XKR4: variants seen among roughly 807,000 people sequenced by gnomAD.
XKR4 encodes the protein XK related 4, also known as XK-related protein 4.
XKR4 carries 12 observed loss-of-function variants against 53.9 expected under a neutral mutation model. That is an observed-to-expected ratio of 0.22 (90% confidence interval 0.14 to 0.36). XKR4 has a LOEUF of 0.36. Ranked by LOEUF, XKR4 falls within the 10% of genes least tolerant of loss-of-function variation. XKR4 has a pLI of 1.00. For synonymous variants in XKR4, 354 were observed against 362.4 expected (o/e 0.98, Z 0.26); for missense variants, 799 against 859.5 (o/e 0.93, Z 0.88).
rs1422169720 is a variant in XKR4, at chr8:55,535,725, GAGA to G, written c.*11501_*11503del. 1 of 152,200 alleles carries G rather than the reference GAGA, an allele frequency of 6.6e-6. No individual in the cohort carries two copies. Among genetic ancestry groups the G allele is most frequent in the Non-Finnish European group, 1.5e-5 (1 of 68,078 alleles). 9.4% of individuals were successfully genotyped at this position (152,200 alleles called of 1,614,324 possible). On this transcript the variant is annotated 3_prime_UTR_variant, in exon 3 of 3. Coordinates refer to ENST00000327381, the MANE Select transcript of XKR4 (RefSeq NM_052898.2). ...ATAGTATTTGCCTTTTCACAGAGCA[GAGA>G]AGTTCAAAATAGTCACAGCCAGTCC...
At chr8:55,435,549 C>T (rs1013201138) in intron 2 of XKR4, among the ~76,000 whole-genome samples, 2 of 150,678 alleles carry the variant, frequency 1.3e-5, no homozygotes, top group African/African-American at 2.4e-5. Context: ...TAATAGGCAA[C>T]CTCTTTTTTT....
chr8:55,495,279 C>G (rs1506673), intron 2 of XKR4, among the ~76,000 whole-genome samples: 76,790 of 152,028 alleles, frequency 0.51, 21,322 homozygotes, highest in African/African-American at 0.75. Flanking sequence ...CTGCAGGTAG[C>G]GAGGGCCTTC....
At chr8:55,174,191 T>C (rs938589422) in intron 1 of XKR4, among the ~76,000 whole-genome samples, 6 of 152,190 alleles carry the variant, frequency 3.9e-5, no homozygotes, top group African/African-American at 1.4e-4. Context: ...ACAAGTTTCC[T>C]GTTTCATGGC....
chr8:55,452,191 C>G, intron 2 of XKR4: 1 of 716,362 alleles, frequency 1.4e-6, no homozygotes, highest in Non-Finnish European at 2.4e-6. Flanking sequence ...TCAGACCCCA[C>G]CTCCTCATCA....
intron 1 of XKR4, among the ~76,000 whole-genome samples, chr8:55,268,077 T>C (rs1818636515): frequency 6.6e-6 from 1 of 152,206 alleles, no homozygotes; most frequent in Admixed American, 6.5e-5. Context: ...ATATTGGATG[T>C]TCATTACGCC....
intron 1 of XKR4, among the ~76,000 whole-genome samples, chr8:55,204,749 C>A (rs1817621690): frequency 6.6e-6 from 1 of 152,188 alleles, no homozygotes; most frequent in Admixed American, 6.5e-5. Context: ...AAACATATAA[C>A]TTCTCATCCC....
intron 2 of XKR4, among the ~76,000 whole-genome samples, chr8:55,521,145 CA>C (rs1347413114): frequency 2.0e-5 from 3 of 152,210 alleles, no homozygotes; most frequent in Non-Finnish European, 4.4e-5. Context: ...GGCAGAAACC[CA>C]GCTGGGCGCC....
At chr8:55,146,912 C>G (rs1816778048) in intron 1 of XKR4, among the ~76,000 whole-genome samples, 1 of 152,218 alleles carries the variant, frequency 6.6e-6, no homozygotes, top group Non-Finnish European at 1.5e-5. Flanking sequence ...CACGCTGGAG[C>G]TCCCTTCTGG....
intron 2 of XKR4, among the ~76,000 whole-genome samples, chr8:55,470,606 G>C (rs1805864698): frequency 6.6e-6 from 1 of 152,100 alleles, no homozygotes; most frequent in Non-Finnish European, 1.5e-5. Context: ...TGTGAAAACA[G>C]ACTAATACAC....
At position 55,533,105 on chromosome 8, in the gene XKR4, T is replaced by A. The variant is rs1365558476; in HGVS notation, c.*8878T>A. 1 of 152,192 alleles carries A rather than the reference T, an allele frequency of 6.6e-6. No homozygotes were observed. Among genetic ancestry groups the A allele is most frequent in the Non-Finnish European group, 1.5e-5 (1 of 68,030 alleles). The allele number at this position is 152,192 out of a possible 1,614,324, so 9.4% of individuals were successfully genotyped here. A position where few individuals can be genotyped will look rare whatever the true frequency, so the allele number is the denominator to read the frequency against. The stretch of plus-strand genomic sequence containing the variant: ...TACTAAATGTGTTGAAAATATAGTT[T>A]GAGTTTCTATGATTGTAATCAAAAT... On this transcript the variant is annotated 3_prime_UTR_variant, in exon 3 of 3. Coordinates refer to ENST00000327381, the MANE Select transcript of XKR4 (RefSeq NM_052898.2).
intron 1 of XKR4, among the ~76,000 whole-genome samples, chr8:55,131,101 G>A (rs924774677): frequency 6.6e-6 from 1 of 152,000 alleles, no homozygotes; most frequent in Non-Finnish European, 1.5e-5. Context: ...GGAGGTTGAG[G>A]TGAGCTGAGA....
chr8:55,462,710 G>A (rs1805682004), intron 2 of XKR4, among the ~76,000 whole-genome samples: 3 of 152,174 alleles, frequency 2.0e-5, no homozygotes, highest in Non-Finnish European at 2.9e-5. Context: ...ACCCATCGGT[G>A]TGCTGTATTC....
At chr8:55,438,851 C>T (rs1049859347) in intron 2 of XKR4, among the ~76,000 whole-genome samples, 2 of 152,098 alleles carry the variant, frequency 1.3e-5, no homozygotes, top group African/African-American at 4.8e-5. Flanking sequence ...TCTGGAGCAA[C>T]AAGTATGATG....
intron 1 of XKR4, among the ~76,000 whole-genome samples, chr8:55,347,412 T>C (rs967695423): frequency 2.6e-5 from 4 of 152,226 alleles, no homozygotes; most frequent in Admixed American, 2.0e-4. Flanking sequence ...TATGCATGTG[T>C]GTTTTCATGC....
rs1807051070 is a variant in XKR4 at position 55,537,868 on chromosome 8, C to G, written c.*13641C>G. 6.6e-6 allele frequency: 1 copy of G among 152,136 alleles called. No homozygotes were observed. The highest frequency in any genetic ancestry group is 2.1e-4 in the South Asian group (1 of 4,830). 9.4% of individuals were successfully genotyped at this position (152,136 alleles called of 1,614,324 possible). A position where few individuals can be genotyped will look rare whatever the true frequency, so the allele number is the denominator to read the frequency against. On this transcript the variant is annotated 3_prime_UTR_variant, in exon 3 of 3. Coordinates refer to ENST00000327381, the MANE Select transcript of XKR4 (RefSeq NM_052898.2). ...CTTTTTCCCTAAGATTTTTACTTCA[C>G]CAAATCCCATTTCAAATCTTTTTAC...
intron 2 of XKR4, among the ~76,000 whole-genome samples, chr8:55,467,713 T>C (rs968185084): frequency 6.6e-6 from 1 of 152,280 alleles, no homozygotes; most frequent in Non-Finnish European, 1.5e-5. Flanking sequence ...TGGGCAAAGA[T>C]TGTGACAGTG....
intron 1 of XKR4, among the ~76,000 whole-genome samples, chr8:55,151,110 TCATCTCTCAA>T (rs1362577029): frequency 6.6e-6 from 1 of 152,204 alleles, no homozygotes; most frequent in East Asian, 1.9e-4. Context: ...CTTTTATTTA[TCATCTCTCAA>T]GCTATAGGTA....
chr8:55,448,960 A>G (rs1000533481), intron 2 of XKR4, among the ~76,000 whole-genome samples: 1 of 152,162 alleles, frequency 6.6e-6, no homozygotes, highest in African/African-American at 2.4e-5. Context: ...ACATATCTAA[A>G]AGAGCATTTT....
At chr8:55,407,241 G>A (rs1804697604) in intron 2 of XKR4, among the ~76,000 whole-genome samples, 1 of 151,266 alleles carries the variant, frequency 6.6e-6, no homozygotes, top group Admixed American at 6.6e-5. Context: ...CTCGCATAGA[G>A]AGGACTTAGG....
Sources: gnomAD v4.1 joint callset for allele counts (sites outside exome capture counted in the v4.1 genomes callset) on GRCh38, gnomAD v4.1.1 for gene constraint, MANE v1.5 for transcripts, NCBI Gene and HGNC (gene_info 2026-07-23, HGNC 2026-07-21) for gene names.